SORCS3: variants seen among roughly 807,000 people sequenced by gnomAD.
SORCS3 encodes the protein VPS10 domain-containing receptor SorCS3.
A neutral mutation model predicts 146.3 loss-of-function variants in SORCS3; 57 were observed. The observed-to-expected ratio is 0.39, with a 90% CI of 0.31 to 0.49. The LOEUF is 0.49. SORCS3 is among the 20% of genes least tolerant of loss of function. The pLI is 0.92. For missense variants in SORCS3, 1,341 were observed against 1,575.5 expected, an observed-to-expected ratio of 0.85 and a Z score of 2.52; for synonymous variants, 653 against 618.5, an observed-to-expected ratio of 1.06 and a Z score of -0.83.
chr10:104,799,886 C>G (rs1360724138), intron 1 of SORCS3, among the ~76,000 whole-genome samples: 1 of 151,986 alleles, frequency 6.6e-6, no homozygotes, highest in African/African-American at 2.4e-5. Flanking sequence ...TCATGTTAGC[C>G]AGGATGGTCT....
At chr10:104,849,171 G>A (rs962226408) in intron 2 of SORCS3, among the ~76,000 whole-genome samples, 4 of 152,120 alleles carry the variant, frequency 2.6e-5, no homozygotes, top group African/African-American at 9.7e-5. Context: ...AGCACTTTGG[G>A]AGGCTCAGGC....
chr10:105,048,735 C>T (rs114982358), intron 5 of SORCS3, among the ~76,000 whole-genome samples: 4 of 151,982 alleles, frequency 2.6e-5, no homozygotes, highest in South Asian at 2.1e-4. Context: ...GACTAAAAAC[C>T]GTTTCAAGAC....
At chr10:105,052,707 A>G (rs942256426) in intron 5 of SORCS3, among the ~76,000 whole-genome samples, 1 of 152,202 alleles carries the variant, frequency 6.6e-6, no homozygotes, top group South Asian at 2.1e-4. Context: ...ATGAGCAGGA[A>G]TAGGAGAATT....
At chr10:104,924,825 G>T (rs977797430) in intron 3 of SORCS3, among the ~76,000 whole-genome samples, 2 of 152,080 alleles carry the variant, frequency 1.3e-5, no homozygotes, top group Admixed American at 1.3e-4. Context: ...TGTATGGGAG[G>T]GTTGTTAGCA....
At chr10:104,781,291 C>T (rs1216257575) in intron 1 of SORCS3, among the ~76,000 whole-genome samples, 1 of 152,200 alleles carries the variant, frequency 6.6e-6, no homozygotes, top group African/African-American at 2.4e-5. Context: ...GGGATTGGAG[C>T]CCCTTGTGAT....
chr10:104,848,136 A>G (rs967778832), intron 2 of SORCS3, among the ~76,000 whole-genome samples: 8 of 152,154 alleles, frequency 5.3e-5, no homozygotes, highest in Non-Finnish European at 8.8e-5. Flanking sequence ...AGACCTGACG[A>G]AAGTTTTCAA....
intron 1 of SORCS3, among the ~76,000 whole-genome samples, chr10:104,709,896 G>GT (rs566802425): frequency 2.8e-3 from 397 of 142,236 alleles, no homozygotes; most frequent in African/African-American, 6.4e-3. Context: ...AGTGGTGTTG[G>GT]TTTTTTTTTT....
intron 7 of SORCS3, among the ~76,000 whole-genome samples, chr10:105,137,867 A>G (rs1352440078): frequency 4.7e-5 from 7 of 149,760 alleles, no homozygotes; most frequent in African/African-American, 1.7e-4. Flanking sequence ...AATTAAATGT[A>G]AAACCAAATT....
At chr10:105,114,259 G>T (rs1184139959) in intron 7 of SORCS3, among the ~76,000 whole-genome samples, 1 of 151,880 alleles carries the variant, frequency 6.6e-6, no homozygotes, top group African/African-American at 2.4e-5. Flanking sequence ...CATAAAAGAG[G>T]TATAATACTG....
At chr10:105,111,240 C>T (rs1393713660) in intron 7 of SORCS3, among the ~76,000 whole-genome samples, 3 of 152,196 alleles carry the variant, frequency 2.0e-5, no homozygotes, top group Admixed American at 2.0e-4. Flanking sequence ...ACAGACAGCA[C>T]CTCCTGTAGG....
At chr10:105,242,476 T>G (rs1183897706) in intron 20 of SORCS3, among the ~76,000 whole-genome samples, 1 of 79,688 alleles carries the variant, frequency 1.3e-5, no homozygotes, top group Non-Finnish European at 2.1e-5. Context: ...ATTTATATAT[T>G]TATATATTTA....
intron 9 of SORCS3, among the ~76,000 whole-genome samples, chr10:105,155,775 C>G (rs149031412): frequency 3.3e-5 from 5 of 152,312 alleles, no homozygotes; most frequent in Admixed American, 2.0e-4. Flanking sequence ...CTCTGCTTAC[C>G]TACCCACTGT....
chr10:105,163,155 CA>C (rs1326422380), intron 11 of SORCS3, among the ~76,000 whole-genome samples: 16 of 152,252 alleles, frequency 1.1e-4, no homozygotes, highest in African/African-American at 3.4e-4. Context: ...TCTTGAGTCT[CA>C]AAACAAGTTG....
intron 3 of SORCS3, among the ~76,000 whole-genome samples, chr10:104,943,575 C>A (rs1320569550): frequency 6.6e-6 from 1 of 151,936 alleles, no homozygotes; most frequent in African/African-American, 2.4e-5. Context: ...TTCAAGGTGG[C>A]CTAAGTAAAG....
intron 1 of SORCS3, among the ~76,000 whole-genome samples, chr10:104,697,175 C>G (rs904712983): frequency 7.9e-5 from 12 of 152,228 alleles, no homozygotes; most frequent in African/African-American, 2.9e-4. Context: ...TAAACGATCC[C>G]TGATAGATAT....
At chr10:104,787,979 G>A (rs1056223381) in intron 1 of SORCS3, among the ~76,000 whole-genome samples, 2 of 152,168 alleles carry the variant, frequency 1.3e-5, no homozygotes, top group African/African-American at 4.8e-5. Context: ...CATCAATGTG[G>A]CCTGGGCAGC....
chr10:104,703,751 A>G (rs2016306939), intron 1 of SORCS3, among the ~76,000 whole-genome samples: 1 of 151,754 alleles, frequency 6.6e-6, no homozygotes, highest in Admixed American at 6.6e-5. Context: ...AGAAAAAAAA[A>G]AGTGGCCTTA....
intron 1 of SORCS3, among the ~76,000 whole-genome samples, chr10:104,735,846 C>T (rs2016765265): frequency 6.6e-6 from 1 of 152,120 alleles, no homozygotes; most frequent in Admixed American, 6.6e-5. Context: ...CAACAGTCTG[C>T]TTTTCTTTCA....
rs1347329131 is a variant in SORCS3, at chr10:105,187,635, A to T, written c.2009+9462A>T. On this transcript the variant is annotated intron_variant, in intron 14 of 26. Coordinates refer to ENST00000369701, the MANE Select transcript of SORCS3 (RefSeq NM_014978.3). ...GAGGGCTTTTGGAGGCAGAGGAAAA[A>T]GGAGGCATGGGGAGCCAGGCCTTTC... is the stretch of plus-strand genomic sequence containing the variant. Among the ~76,000 whole-genome samples, 4 of 152,312 alleles carry T rather than the reference A, an allele frequency of 2.6e-5. No individual in the cohort carries two copies. In the East Asian group the frequency reaches 7.7e-4, roughly 29 times the overall value.
Sources: gnomAD v4.1 joint callset for allele counts (sites outside exome capture counted in the v4.1 genomes callset) on GRCh38, gnomAD v4.1.1 for gene constraint, MANE v1.5 for transcripts, NCBI Gene and HGNC (gene_info 2026-07-23, HGNC 2026-07-21) for gene names.